PRKAG2: variants seen among roughly 807,000 people sequenced by gnomAD.
PRKAG2 encodes the protein 5'-AMP-activated protein kinase subunit gamma-2.
PRKAG2 carries 26 observed loss-of-function variants against 69.6 expected under a neutral mutation model. The ratio of observed to expected loss-of-function variants is 0.37; its 90% CI spans 0.27 to 0.52. The LOEUF is 0.52. Ranked by LOEUF, PRKAG2 falls within the 20% of genes least tolerant of loss-of-function variation. The pLI is 0.90. For missense variants in PRKAG2, 557 were observed against 740.0 expected (o/e 0.75, Z 2.87); for synonymous variants, 293 against 285.0 (o/e 1.03, Z -0.28).
intron 3 of PRKAG2, among the ~76,000 whole-genome samples, chr7:151,679,555 G>T (rs1833512511): frequency 6.6e-6 from 1 of 152,184 alleles, no homozygotes; most frequent in African/African-American, 2.4e-5. Context: ...ACCTGATGGG[G>T]CAGAGCTGAA....
At chr7:151,839,361 C>T (rs1412840616) in intron 1 of PRKAG2, among the ~76,000 whole-genome samples, 1 of 152,194 alleles carries the variant, frequency 6.6e-6, no homozygotes, top group African/African-American at 2.4e-5. Context: ...TGGTTTGCAG[C>T]TCAGAAGCGG....
chr7:151,855,183 C>T (rs2079702937), intron 1 of PRKAG2, among the ~76,000 whole-genome samples: 1 of 100,104 alleles, frequency 1.0e-5, no homozygotes, highest in African/African-American at 3.8e-5. Flanking sequence ...ACCCTCCACA[C>T]ACACCACCCT....
intron 3 of PRKAG2, among the ~76,000 whole-genome samples, chr7:151,714,558 C>T (rs914077997): frequency 2.6e-5 from 4 of 151,444 alleles, no homozygotes; most frequent in African/African-American, 9.7e-5. Context: ...CTGTTCAGGG[C>T]CATTGGTGAA....
chr7:151,874,088 TATG>T lies in PRKAG2; in HGVS notation c.114+2416_114+2418del, dbSNP rs1380854974. On this transcript the variant is annotated intron_variant, in intron 1 of 15. Transcript: ENST00000287878. ...TGTATATGATGTATATGTATATGTA[TATG>T]ATGTATATGTATATGATGTATATGT... Among the ~76,000 whole-genome samples, 187 of 143,348 alleles carry T rather than the reference TATG, an allele frequency of 1.3e-3. 3 individuals are homozygous for T. The highest frequency in any genetic ancestry group is 4.4e-3 in the African/African-American group (172 of 39,110). 94.0% of individuals were successfully genotyped at this position (143,348 alleles called of 152,430 possible).
chr7:151,786,354 A>T (rs1195937373), intron 2 of PRKAG2, 116 bp downstream of exon 2: 17 of 1,002,066 alleles, frequency 1.7e-5, no homozygotes, highest in Non-Finnish European at 2.5e-5. Context: ...CAGGTGTGCA[A>T]GCGGACATGC....
At chr7:151,705,986 G>T (rs1585920902) in intron 3 of PRKAG2, among the ~76,000 whole-genome samples, 1 of 152,134 alleles carries the variant, frequency 6.6e-6, no homozygotes, top group South Asian at 2.1e-4. Context: ...CCAGGAGCCT[G>T]GGTCTCTTGA....
intron 3 of PRKAG2, among the ~76,000 whole-genome samples, chr7:151,704,212 AT>A (rs1838227472): frequency 1.3e-5 from 2 of 152,182 alleles, no homozygotes; most frequent in Non-Finnish European, 2.9e-5. Flanking sequence ...AAACAATCCA[AT>A]TACACTTTTT....
chr7:151,693,354 G>T (rs1221071568), intron 3 of PRKAG2, among the ~76,000 whole-genome samples: 1 of 152,144 alleles, frequency 6.6e-6, no homozygotes, highest in Non-Finnish European at 1.5e-5. Context: ...AGAAGGTGAG[G>T]CCCTCACCAG....
At chr7:151,797,933 G>A (rs1427916723) in intron 1 of PRKAG2, among the ~76,000 whole-genome samples, 4 of 152,206 alleles carry the variant, frequency 2.6e-5, no homozygotes, top group African/African-American at 7.2e-5. Flanking sequence ...CAATAAGAAT[G>A]TATCTCATGG....
intron 15 of PRKAG2, chr7:151,559,135 A>T: frequency 1.0e-6 from 1 of 985,280 alleles, no homozygotes; most frequent in African/African-American, 1.7e-5. Flanking sequence ...CCTGCCTGGA[A>T]ATTTATATGA....
At chr7:151,560,477 C>T in intron 15 of PRKAG2, 47 bp downstream of exon 15, 2 of 1,613,706 alleles carry the variant, frequency 1.2e-6, no homozygotes, top group Non-Finnish European at 1.7e-6. Context: ...TTCTACCTCC[C>T]ACCCTTCCTA....
intron 5 of PRKAG2, among the ~76,000 whole-genome samples, chr7:151,612,802 C>T (rs1317446770): frequency 2.6e-5 from 4 of 152,256 alleles, no homozygotes; most frequent in African/African-American, 9.6e-5. Flanking sequence ...TAACCTGAAG[C>T]TGTTACCAGC....
intron 5 of PRKAG2, among the ~76,000 whole-genome samples, chr7:151,625,417 A>C (rs73478069): frequency 0.14 from 22,020 of 152,134 alleles, 1,816 homozygotes; most frequent in African/African-American, 0.2. Flanking sequence ...AGGGAGGAGA[A>C]GGGGGCAAGG....
chr7:151,585,496 C>G (rs1263671597), intron 6 of PRKAG2, among the ~76,000 whole-genome samples: 2 of 152,154 alleles, frequency 1.3e-5, no homozygotes, highest in African/African-American at 4.8e-5. Context: ...CATTCCCGAG[C>G]ACGAGCCCAT....
At chr7:151,816,922 G>A (rs2078658920) in intron 1 of PRKAG2, among the ~76,000 whole-genome samples, 1 of 152,216 alleles carries the variant, frequency 6.6e-6, no homozygotes, top group Non-Finnish European at 1.5e-5. Context: ...AGGATTCAGA[G>A]GTTTGCTACG....
chr7:151,565,630 C>A (rs1806069351), intron 12 of PRKAG2, 90 bp downstream of exon 12: 1 of 1,517,796 alleles, frequency 6.6e-7, no homozygotes, highest in Admixed American at 1.7e-5. Context: ...TTTTCATTTT[C>A]CCCACGTATC....
intron 1 of PRKAG2, among the ~76,000 whole-genome samples, chr7:151,815,454 A>G (rs2078613725): frequency 6.6e-6 from 1 of 151,732 alleles, no homozygotes; most frequent in Non-Finnish European, 1.5e-5. Context: ...CCAGGCCATC[A>G]CCCACTACCC....
intron 3 of PRKAG2, among the ~76,000 whole-genome samples, chr7:151,752,656 G>C (rs1169832566): frequency 6.6e-6 from 1 of 152,186 alleles, no homozygotes; most frequent in African/African-American, 2.4e-5. Context: ...TACACACACA[G>C]GGAGAGAAGA....
At chr7:151,592,900 T>C (rs1274223165) in intron 6 of PRKAG2, among the ~76,000 whole-genome samples, 1 of 152,190 alleles carries the variant, frequency 6.6e-6, no homozygotes, top group Non-Finnish European at 1.5e-5. Context: ...ATACATCTTT[T>C]TACCTTGACT....
Sources: gnomAD v4.1 joint callset for allele counts (sites outside exome capture counted in the v4.1 genomes callset) on GRCh38, gnomAD v4.1.1 for gene constraint, MANE v1.5 for transcripts, NCBI Gene and HGNC (gene_info 2026-07-23, HGNC 2026-07-21) for gene names.